The following GLS2 variants were observed in gnomAD, a reference collection of about 807,000 sequenced individuals.
The protein encoded by GLS2 is glutaminase 2.
GLS2 carries 52 observed loss-of-function variants against 79.0 expected under a neutral mutation model. The observed-to-expected ratio is 0.66, with a 90% confidence interval of 0.53 to 0.83. The LOEUF is 0.83. Ranked by LOEUF, GLS2 falls within the 40% of genes least tolerant of loss-of-function variation. GLS2 has a pLI of 0.00. For synonymous variants in GLS2, 238 were observed against 280.8 expected (o/e 0.85, Z 1.52); for missense variants, 561 against 764.8 (o/e 0.73, Z 3.14).
chr12:56,485,999 A>G (rs1870651635), intron 1 of GLS2, among the ~76,000 whole-genome samples: 1 of 139,264 alleles, frequency 7.2e-6, no homozygotes. Flanking sequence ...CTGGGCGGCA[A>G]AGAGACTCTG....
Position 56,473,532 on chromosome 12 carries a change from C to G in GLS2, c.1287G>C (p.Met429Ile), listed in dbSNP as rs767237067. 17 of 1,613,588 alleles carry G rather than the reference C, an allele frequency of 1.1e-5. No individual in the cohort carries two copies. The highest frequency in any genetic ancestry group is 1.4e-5 in the Non-Finnish European group (16 of 1,180,038). Residue 429 changes from methionine to isoleucine, a missense_variant, in exon 13 of 18, where the codon ATG (methionine) becomes ATC (isoleucine). Physicochemically the swap from Met to Ile is conservative, Grantham distance 10. Around this residue, in one of 4 missense-constraint regions of GLS2, gnomAD observed 136 missense variants for 228.6 expected, o/e 0.59. Transcript: ENST00000311966. ...GAILLVVPNV[M>I]GMMCLSPPLD... Reference sequence around the variant, plus strand: ...ATGGGGGTGACAGGCACATCATTCCCATGACATTGGGTACCACCAGGAGGA... The same window carrying G: ...ATGGGGGTGACAGGCACATCATTCCGATGACATTGGGTACCACCAGGAGGA...
At position 56,475,543 on chromosome 12, in the gene GLS2, C is replaced by T. The variant is rs879228753; in HGVS notation, c.929+81G>A. ...ATTTCTTCCTCCTAAGATTCTCTCT[C>T]CCCCATTCCTCTTGTCCCCATCCTA... On this transcript the variant is annotated intron_variant, in intron 9 of 17. Coordinates refer to ENST00000311966, the MANE Select transcript of GLS2 (RefSeq NM_013267.4). 6 of 1,414,822 alleles carry T rather than the reference C, an allele frequency of 4.2e-6. No individual in the cohort carries two copies. The Admixed American group carries it at 1.1e-4, about 26-fold the overall frequency. 87.6% of individuals were successfully genotyped at this position (1,414,822 alleles called of 1,614,324 possible).
chr12:56,477,472 G>A, intron 7 of GLS2, 188 bp downstream of exon 7: 1 of 560,974 alleles, frequency 1.8e-6, no homozygotes, highest in Non-Finnish European at 3.2e-6. Context: ...GACGGAGGTG[G>A]TGCAGTCTCT....
At chr12:56,481,753 T>C (rs1870317408) in intron 1 of GLS2, among the ~76,000 whole-genome samples, 1 of 150,368 alleles carries the variant, frequency 6.7e-6, no homozygotes, top group East Asian at 2.0e-4. Flanking sequence ...TAACCGGGCA[T>C]AGTGGCATCT....
rs1869219162 is a variant in GLS2, at chr12:56,471,060, A to G, written c.*427T>C. Reference sequence around the variant, plus strand: ...CTGGCCAAGGGGAGTAGATTTCTCCAGACTACTAAAGCCATGTATATAGCC... The same window carrying G: ...CTGGCCAAGGGGAGTAGATTTCTCCGGACTACTAAAGCCATGTATATAGCC... On this transcript the variant is annotated 3_prime_UTR_variant, in exon 18 of 18. Transcript: ENST00000311966. 1 of 297,232 alleles carries G rather than the reference A, an allele frequency of 3.4e-6. No homozygotes were observed. The highest frequency in any genetic ancestry group is 5.6e-5 in the East Asian group (1 of 18,004). 18.4% of individuals were successfully genotyped at this position (297,232 alleles called of 1,614,324 possible).
chr12:56,474,801 G>A, intron 11 of GLS2, 45 bp downstream of exon 11: 1 of 1,613,398 alleles, frequency 6.2e-7, no homozygotes, highest in Non-Finnish European at 8.5e-7. Context: ...GCAAGGGCAA[G>A]GACAGTCTGT....
At chr12:56,479,298 G>T in intron 3 of GLS2, 117 bp from the exon 4 acceptor site, 1 of 1,310,800 alleles carries the variant, frequency 7.6e-7, no homozygotes, top group Non-Finnish European at 1.0e-6. Flanking sequence ...GGGATCAACA[G>T]CTCTGTTACC....
rs761918232 is a variant in GLS2 at position 56,474,624 on chromosome 12, TCAG to T, written c.1141_1143del (p.Leu381del). On this transcript the variant is annotated inframe_deletion, in exon 12 of 18. Coordinates refer to ENST00000311966, the MANE Select transcript of GLS2 (RefSeq NM_013267.4). ...AGGGTGTTGCGCACTGCTTCAGCAC[TCAG>T]CACACTCTCGCCTGTGATGGGGCAG... The T allele has an allele frequency of 1.2e-6, 2 of 1,614,160 alleles. No individual in the cohort carries two copies.
chr12:56,479,234 CA>C, intron 3 of GLS2, 53 bp from the exon 4 acceptor site: 3 of 1,592,260 alleles, frequency 1.9e-6, no homozygotes, highest in Middle Eastern at 1.8e-4. Flanking sequence ...AGCTGGGACT[CA>C]CTCTGGAGCC....
chr12:56,472,600 G>T (rs976995335), intron 15 of GLS2, 90 bp downstream of exon 15: 1 of 1,182,484 alleles, frequency 8.5e-7, no homozygotes, highest in Non-Finnish European at 1.3e-6. Context: ...TTCCAAAGCT[G>T]AAGCACTTAA....
rs1331508427 is a variant in GLS2, at chr12:56,475,670, G to C, written c.883C>G (p.Leu295Val). Reference sequence around the variant, plus strand: ...TATTCATTCCCAGCCATTTTGTTGAGATACTGCAACACCTGGAAGAGAAAA... The same window carrying C: ...TATTCATTCCCAGCCATTTTGTTGACATACTGCAACACCTGGAAGAGAAAA... ...AEKFDFVLQY[L>V]NKMAGNEYMG... is the part of the protein sequence containing the mutation. The change falls in exon 9 of 18, where the codon CTC (leucine) becomes GTC (valine). Residue 295 changes from leucine to valine, a missense_variant. Transcript: ENST00000311966. The C allele has an allele frequency of 6.2e-7, 1 of 1,614,202 alleles. No homozygotes were observed. The highest frequency in any genetic ancestry group is 2.2e-5 in the East Asian group (1 of 44,878).
intron 12 of GLS2, 67 bp from the exon 13 acceptor site, chr12:56,473,661 G>C (rs1487262223): frequency 2.0e-6 from 3 of 1,536,880 alleles, no homozygotes; most frequent in Non-Finnish European, 2.6e-6. Flanking sequence ...AACAAGTTAG[G>C]CTGTACTCTT....
intron 9 of GLS2, chr12:56,475,356 G>T: frequency 9.3e-7 from 1 of 1,072,552 alleles, no homozygotes; most frequent in Non-Finnish European, 1.3e-6. Flanking sequence ...AACTGGTGAA[G>T]TTTTTGGCTT....
intron 7 of GLS2, chr12:56,476,387 T>C (rs1371494464): frequency 4.4e-6 from 1 of 227,578 alleles, no homozygotes; most frequent in African/African-American, 2.3e-5. Flanking sequence ...TTTTCCTGAC[T>C]CGAATCCTGT....
chr12:56,474,349 A>G, intron 12 of GLS2, 195 bp downstream of exon 12: 1 of 666,072 alleles, frequency 1.5e-6, no homozygotes, highest in African/African-American at 1.8e-5. Flanking sequence ...TCGGCCTCCC[A>G]AAGACATCTC....
chr12:56,488,042 G>A lies in GLS2; in HGVS notation c.77C>T (p.Pro26Leu), dbSNP rs371838397. 1.9e-6 allele frequency: 3 copies of A among 1,590,914 alleles called. No individual in the cohort carries two copies. The highest frequency in any genetic ancestry group is 1.3e-5 in the African/African-American group (1 of 74,692). Residue 26 changes from proline to leucine, a missense_variant, in exon 1 of 18, where the codon CCG becomes CTG. By Grantham distance (98) the Pro-to-Leu change is moderately conservative. Coordinates refer to ENST00000311966, the MANE Select transcript of GLS2 (RefSeq NM_013267.4). ...SHCGRGGWGH[P>L]SRSPLLGGGV... is the part of the protein sequence containing the mutation. ...CCCGCCAAGGAGGGGGCTCCGGCTC[G>A]GGTGACCCCAGCCTCCTCGCCCGCA...
intron 1 of GLS2, among the ~76,000 whole-genome samples, chr12:56,483,235 C>T (rs2136194190): frequency 6.6e-6 from 1 of 151,948 alleles, no homozygotes; most frequent in South Asian, 2.1e-4. Flanking sequence ...CACGTGCCAC[C>T]ACGCCCAGCT....
At chr12:56,480,049 T>C (rs1317505854) in intron 2 of GLS2, 148 bp from the exon 3 acceptor site, 4 of 1,119,818 alleles carry the variant, frequency 3.6e-6, no homozygotes, top group Non-Finnish European at 5.0e-6. Flanking sequence ...AAGGAGGGGA[T>C]GGAGTAGCTC....
intron 1 of GLS2, among the ~76,000 whole-genome samples, chr12:56,481,077 C>CTCCTTAT (rs1203959583): frequency 6.6e-6 from 1 of 151,698 alleles, no homozygotes; most frequent in Non-Finnish European, 1.5e-5. Flanking sequence ...TTATCATCAG[C>CTCCTTAT]TCCTTATTCC....
Sources: allele counts gnomAD v4.1 joint callset (sites outside exome capture counted in the v4.1 genomes callset), GRCh38; gene constraint gnomAD v4.1.1; regional missense constraint gnomAD v4.1.1; transcripts MANE v1.5; gene names NCBI Gene and HGNC (gene_info 2026-07-23, HGNC 2026-07-21).